The following TRAF3 variants were observed in gnomAD, a reference collection of about 807,000 sequenced individuals.
The protein encoded by TRAF3 is TNF receptor-associated factor 3.
TRAF3 carries 13 observed loss-of-function variants against 62.3 expected under a neutral mutation model. The ratio of observed to expected loss-of-function variants is 0.21; its 90% CI spans 0.14 to 0.33. The LOEUF (loss-of-function observed/expected upper bound fraction) is 0.33, where lower values mean the gene tolerates loss of function less well. TRAF3 is among the 10% of genes least tolerant of loss of function. The pLI is 1.00. For missense variants in TRAF3, 440 were observed against 741.8 expected, an observed-to-expected ratio of 0.59 and a Z score of 4.73; for synonymous variants, 269 against 283.4, an observed-to-expected ratio of 0.95 and a Z score of 0.51.
At chr14:102,901,576 C>T (rs1890304292) in intron 10 of TRAF3, among the ~76,000 whole-genome samples, 1 of 152,108 alleles carries the variant, frequency 6.6e-6, no homozygotes, top group Admixed American at 6.5e-5. Context: ...AAATATCCTT[C>T]TGAACATGTA....
At chr14:102,778,716 A>G (rs1253341763) in intron 1 of TRAF3, among the ~76,000 whole-genome samples, 1 of 151,706 alleles carries the variant, frequency 6.6e-6, no homozygotes, top group Non-Finnish European at 1.5e-5. Context: ...GCCATTATTT[A>G]TTTTTTTTCC....
At chr14:102,814,982 C>A (rs1202006241) in intron 1 of TRAF3, among the ~76,000 whole-genome samples, 1 of 152,228 alleles carries the variant, frequency 6.6e-6, no homozygotes, top group Non-Finnish European at 1.5e-5. Flanking sequence ...GTTGGCCAGG[C>A]TGTAGTGCAG....
chr14:102,783,008 G>A (rs1180535814), intron 1 of TRAF3, among the ~76,000 whole-genome samples: 2 of 152,202 alleles, frequency 1.3e-5, no homozygotes, highest in Admixed American at 6.5e-5. Flanking sequence ...GATTAATTTT[G>A]TGTTCTGGAA....
chr14:102,808,896 G>GC (rs1221677422), intron 1 of TRAF3: 1 of 151,926 alleles, frequency 6.6e-6, no homozygotes, highest in Non-Finnish European at 1.5e-5. Context: ...GCTCACTGCA[G>GC]CCTCCACCTC....
chr14:102,842,504 A>C (rs969378255), intron 2 of TRAF3, among the ~76,000 whole-genome samples: 1 of 152,084 alleles, frequency 6.6e-6, no homozygotes. Flanking sequence ...GGACAAAGTC[A>C]GCTGACTTAA....
intron 2 of TRAF3, among the ~76,000 whole-genome samples, chr14:102,855,121 G>C (rs142361269): frequency 1.3e-5 from 2 of 152,102 alleles, no homozygotes; most frequent in Non-Finnish European, 2.9e-5. Flanking sequence ...TACTCACTTA[G>C]CATGTTTTCA....
rs150317724 is a variant in TRAF3, at chr14:102,800,381, C to T, written c.-157+22706C>T. On this transcript the variant is annotated intron_variant, in intron 1 of 11. Coordinates refer to ENST00000392745, the MANE Select transcript of TRAF3 (RefSeq NM_145725.3). The stretch of plus-strand genomic sequence containing the variant: ...GCGTTCATTTAAGTGTGAGAAGCAC[C>T]GTGCAGGCTTTGGGTGAGAGAGTCG... Among the ~76,000 whole-genome samples the T allele has an allele frequency of 5.2e-3, 793 of 152,264 alleles. 3 individuals carry two copies. The highest frequency in any genetic ancestry group is 8.0e-3 in the Non-Finnish European group (547 of 68,034).
chr14:102,859,225 C>T (rs1887549733), intron 2 of TRAF3, among the ~76,000 whole-genome samples: 6 of 151,642 alleles, frequency 4.0e-5, no homozygotes, highest in Admixed American at 3.3e-4. Context: ...TCACATGTCT[C>T]CTTCTCTTTT....
At chr14:102,815,153 G>T (rs1395503867) in intron 1 of TRAF3, among the ~76,000 whole-genome samples, 1 of 152,076 alleles carries the variant, frequency 6.6e-6, no homozygotes, top group Non-Finnish European at 1.5e-5. Flanking sequence ...TGCCCGGGCT[G>T]GTCTCAAACT....
chr14:102,870,457 TCGCCCGGCCC>T lies in TRAF3; in HGVS notation c.245+12_245+21del. The T allele has an allele frequency of 1.2e-6, 2 of 1,609,016 alleles. No homozygotes were observed. The highest frequency in any genetic ancestry group is 2.2e-5 in the South Asian group (2 of 90,952). ...GGCGGCCCTGCTGAGGTAGGCGCCC[TCGCCCGGCCC>T]GTCGCCCGGCCCCTTCTCAGCCCTC... On this transcript the variant is annotated intron_variant, in intron 3 of 11. Coordinates refer to ENST00000392745, the MANE Select transcript of TRAF3 (RefSeq NM_145725.3).
intron 1 of TRAF3, among the ~76,000 whole-genome samples, chr14:102,811,909 G>A (rs1195028120): frequency 1.7e-5 from 1 of 57,306 alleles, no homozygotes; most frequent in Admixed American, 2.0e-4. Flanking sequence ...CACCATGCCT[G>A]GCCCTTTTTT....
At chr14:102,793,141 C>G (rs984758452) in intron 1 of TRAF3, among the ~76,000 whole-genome samples, 3 of 151,968 alleles carry the variant, frequency 2.0e-5, no homozygotes, top group Admixed American at 6.6e-5. Flanking sequence ...ATATTTTTGA[C>G]TTCGGTATCT....
chr14:102,909,057 G>T lies in TRAF3; in HGVS notation c.*3273G>T, dbSNP rs78630751. ...GCTGGGAGTAGGGCCTTTCTAGCAG[G>T]GTTGGGTGGCTCAGTGAGGGTGTGG... is the stretch of plus-strand genomic sequence containing the variant. On this transcript the variant is annotated 3_prime_UTR_variant, in exon 12 of 12. Coordinates refer to ENST00000392745, the MANE Select transcript of TRAF3 (RefSeq NM_145725.3). The T allele has an allele frequency of 0.011, 1,654 of 152,698 alleles. 32 individuals are homozygous for T. Among genetic ancestry groups the T allele is most frequent in the African/African-American group, 0.038 (1,574 of 41,590 alleles). 9.5% of individuals were successfully genotyped at this position (152,698 alleles called of 1,614,324 possible).
At chr14:102,778,457 T>C (rs1897126301) in intron 1 of TRAF3, among the ~76,000 whole-genome samples, 1 of 152,088 alleles carries the variant, frequency 6.6e-6, no homozygotes, top group South Asian at 2.1e-4. Flanking sequence ...ACGGATGAGG[T>C]GTTATGGACG....
chr14:102,807,375 A>T (rs112644852), intron 1 of TRAF3, among the ~76,000 whole-genome samples: 19 of 152,006 alleles, frequency 1.2e-4, no homozygotes, highest in African/African-American at 4.6e-4. Flanking sequence ...CAGTCTCTCC[A>T]TGCCTGCACC....
chr14:102,875,953 T>C (rs538196294), intron 5 of TRAF3, among the ~76,000 whole-genome samples: 104 of 150,142 alleles, frequency 6.9e-4, no homozygotes, highest in African/African-American at 2.5e-3. Flanking sequence ...CTCCCCCCCC[T>C]ACTTAGAATA....
intron 11 of TRAF3, among the ~76,000 whole-genome samples, chr14:102,904,091 A>G (rs1047586849): frequency 3.9e-5 from 6 of 152,180 alleles, no homozygotes; most frequent in Non-Finnish European, 7.3e-5. Flanking sequence ...TCCTGCTCCC[A>G]GGAGCTCCCA....
intron 2 of TRAF3, chr14:102,865,856 G>A (rs1887958687): frequency 6.6e-6 from 1 of 152,232 alleles, no homozygotes; most frequent in South Asian, 2.1e-4. Context: ...TCAAGCCATA[G>A]TGCTGGCTTT....
intron 6 of TRAF3, among the ~76,000 whole-genome samples, chr14:102,883,846 A>G (rs931903981): frequency 6.6e-6 from 1 of 152,162 alleles, no homozygotes; most frequent in Non-Finnish European, 1.5e-5. Context: ...TCGGCCTCCC[A>G]AAGTGCTGGG....
Sources: gnomAD v4.1 joint callset for allele counts (sites outside exome capture counted in the v4.1 genomes callset) on GRCh38, gnomAD v4.1.1 for gene constraint, MANE v1.5 for transcripts, NCBI Gene and HGNC (gene_info 2026-07-23, HGNC 2026-07-21) for gene names.